Variants in CSNK1G3 observed in about 807,000 individuals in gnomAD.
CSNK1G3 encodes casein kinase I isoform gamma-3.
CSNK1G3 carries 23 observed loss-of-function variants against 64.3 expected under a neutral mutation model. The ratio of observed to expected loss-of-function variants is 0.36; its 90% CI spans 0.26 to 0.51. CSNK1G3 has a LOEUF of 0.51. Ranked by LOEUF, CSNK1G3 falls within the 20% of genes least tolerant of loss-of-function variation. The pLI is 0.96. For missense variants in CSNK1G3, 357 were observed against 510.5 expected, an observed-to-expected ratio of 0.70 and a Z score of 2.90; for synonymous variants, 158 against 162.2, an observed-to-expected ratio of 0.97 and a Z score of 0.20.
intron 4 of CSNK1G3, among the ~76,000 whole-genome samples, chr5:123,570,148 A>G (rs547553500): frequency 9.3e-4 from 141 of 152,232 alleles, no homozygotes; most frequent in Non-Finnish European, 1.7e-3. Flanking sequence ...GTATTTGTTC[A>G]ATTAATTAAG....
chr5:123,566,080 A>G (rs1786814968), intron 4 of CSNK1G3, among the ~76,000 whole-genome samples: 1 of 152,198 alleles, frequency 6.6e-6, no homozygotes, highest in African/African-American at 2.4e-5. Flanking sequence ...TGGTCTACTT[A>G]ACTAATACTT....
chr5:123,559,564 C>T (rs1400292906), intron 4 of CSNK1G3, among the ~76,000 whole-genome samples: 1 of 152,136 alleles, frequency 6.6e-6, no homozygotes, highest in Non-Finnish European at 1.5e-5. Context: ...CTCCTCTCTG[C>T]TCTATGGGTG....
chr5:123,537,688 A>T (rs1781068212), intron 1 of CSNK1G3, among the ~76,000 whole-genome samples: 1 of 152,186 alleles, frequency 6.6e-6, no homozygotes, highest in African/African-American at 2.4e-5. Flanking sequence ...TTTAAAAATC[A>T]TATTTTGAGA....
chr5:123,610,843 C>T (rs1460610657), intron 12 of CSNK1G3, among the ~76,000 whole-genome samples: 1 of 151,970 alleles, frequency 6.6e-6, no homozygotes, highest in Admixed American at 6.6e-5. Context: ...TTTACCAGCT[C>T]GGCGCCTGTA....
At position 123,535,323 on chromosome 5, in the gene CSNK1G3, C is replaced by A. The variant is rs79654355; in HGVS notation, c.-247-10094C>A. ...TCGCATGTTATAAAATATTATTATT[C>A]TTATAATCCCCCACCCCCAACTATG... is the stretch of plus-strand genomic sequence containing the variant. On this transcript the variant is annotated intron_variant, in intron 1 of 12. Coordinates refer to ENST00000345990, the Ensembl canonical transcript of CSNK1G3. 1.8e-4 allele frequency among the ~76,000 whole-genome samples: 27 copies of A among 152,110 alleles called. No individual in the cohort carries two copies. The East Asian group carries it at 4.6e-3, about 26-fold the overall frequency.
chr5:123,605,502 T>C (rs2151167533), intron 12 of CSNK1G3, 140 bp downstream of exon 13: 1 of 908,064 alleles, frequency 1.1e-6, no homozygotes, highest in Non-Finnish European at 1.6e-6. Context: ...GTATTTGATA[T>C]CATTAAGATA....
exon 13 of CSNK1G3, chr5:123,616,426 T>G (rs1427777762): frequency 1.3e-5 from 2 of 152,602 alleles, no homozygotes; most frequent in Non-Finnish European, 2.9e-5. Context: ...TCCTTATACA[T>G]AAGAAGGTGT....
chr5:123,575,800 A>G, exon 6 of CSNK1G3: 1 of 1,613,706 alleles, frequency 6.2e-7, no homozygotes, highest in Non-Finnish European at 8.5e-7. Flanking sequence ...ACTTCTTAAT[A>G]GGACGACCAG....
At chr5:123,590,311 C>A in intron 8 of CSNK1G3, 99 bp from the exon 9 acceptor site, 1 of 483,322 alleles carries the variant, frequency 2.1e-6, no homozygotes, top group Non-Finnish European at 3.3e-6. Flanking sequence ...TGTTACTTTT[C>A]AAGTGTTTTT....
In CSNK1G3 at chr5:123,526,066, C is replaced by T. The variant is rs531329673; in HGVS notation, c.-248+13496C>T. On this transcript the variant is annotated intron_variant, in intron 1 of 12. Transcript: ENST00000345990. ...TTCATTTTATTTTTAGAGATAGGGTCTCACTCTGTTGCCCAGGCTGGGGTG... is the reference window on the plus strand; with the variant it reads ...TTCATTTTATTTTTAGAGATAGGGTTTCACTCTGTTGCCCAGGCTGGGGTG... 3.0e-3 allele frequency among the ~76,000 whole-genome samples: 449 copies of T among 151,800 alleles called. 5 individuals are homozygous for T. Among genetic ancestry groups the T allele is most frequent in the Admixed American group, 4.8e-3 (73 of 15,272 alleles).
chr5:123,607,602 A>G (rs1475934901), intron 12 of CSNK1G3, among the ~76,000 whole-genome samples: 2 of 152,178 alleles, frequency 1.3e-5, no homozygotes, highest in African/African-American at 4.8e-5. Context: ...GAAGAGGAGG[A>G]TGGGATTTCT....
At position 123,606,714 on chromosome 5, in the gene CSNK1G3, A is replaced by G. The variant is rs375468264; in HGVS notation, c.1217+1352A>G. Among the ~76,000 whole-genome samples the G allele has an allele frequency of 2.6e-5, 4 of 152,062 alleles. No individual in the cohort carries two copies. The South Asian group carries it at 8.3e-4, about 32-fold the overall frequency. On this transcript the variant is annotated intron_variant, in intron 12 of 12. Transcript: ENST00000345990. ...GTGTCCTATATTTTTACTTCCATAC[A>G]CACACTCTTCACTGAAACTGGCTGT...
intron 6 of CSNK1G3, among the ~76,000 whole-genome samples, chr5:123,584,101 C>A (rs1222133386): frequency 6.6e-6 from 1 of 152,134 alleles, no homozygotes. Context: ...CATATACAAT[C>A]CTGTTGTCTG....
intron 12 of CSNK1G3, among the ~76,000 whole-genome samples, chr5:123,610,445 A>G (rs934110465): frequency 6.6e-6 from 1 of 151,894 alleles, no homozygotes; most frequent in African/African-American, 2.4e-5. Context: ...GAAGGGATAA[A>G]TAAGAACATC....
chr5:123,587,943 T>G (rs2150944057), intron 6 of CSNK1G3, 125 bp from the exon 7 acceptor site: 2 of 598,010 alleles, frequency 3.3e-6, no homozygotes, highest in East Asian at 6.4e-5. Flanking sequence ...TTACTAGATC[T>G]GTATTTTGTA....
In CSNK1G3 at chr5:123,550,244, C is replaced by T. The variant is rs114156751; in HGVS notation, c.179-2863C>T. Among the ~76,000 whole-genome samples the T allele has an allele frequency of 3.8e-3, 579 of 152,234 alleles. 2 individuals are homozygous for T. Among genetic ancestry groups the T allele is most frequent in the Admixed American group, 6.0e-3 (92 of 15,278 alleles). On this transcript the variant is annotated intron_variant, in intron 2 of 12. Transcript: ENST00000345990. ...ACGACACAGACCAGAGGGAGAAACCCGAAGGCTGTCAGGGTACCTCTGCAT... is the reference window on the plus strand; with the variant it reads ...ACGACACAGACCAGAGGGAGAAACCTGAAGGCTGTCAGGGTACCTCTGCAT...
intron 4 of CSNK1G3, among the ~76,000 whole-genome samples, chr5:123,570,156 A>C (rs1787788780): frequency 6.6e-6 from 1 of 152,174 alleles, no homozygotes; most frequent in Admixed American, 6.5e-5. Context: ...TCAATTAATT[A>C]AGACAGTGAA....
At chr5:123,514,847 G>C (rs964539172) in intron 1 of CSNK1G3, among the ~76,000 whole-genome samples, 2 of 152,066 alleles carry the variant, frequency 1.3e-5, no homozygotes, top group African/African-American at 4.8e-5. Context: ...ATGAAAGTAG[G>C]TGGAGATCAG....
intron 4 of CSNK1G3, among the ~76,000 whole-genome samples, chr5:123,567,207 A>C (rs1787086479): frequency 6.6e-6 from 1 of 152,186 alleles, no homozygotes; most frequent in Non-Finnish European, 1.5e-5. Flanking sequence ...GTCACCTCCC[A>C]CTGGGTTCCT....
Sources: allele counts gnomAD v4.1 joint callset (sites outside exome capture counted in the v4.1 genomes callset), GRCh38; gene constraint gnomAD v4.1.1; transcripts MANE v1.5; gene names NCBI Gene and HGNC (gene_info 2026-07-23, HGNC 2026-07-21).